SLC2A8: variants seen among roughly 807,000 people sequenced by gnomAD.
The protein encoded by SLC2A8 is solute carrier family 2 member 8.
SLC2A8 carries 53 observed loss-of-function variants against 49.2 expected under a neutral mutation model. The ratio of observed to expected loss-of-function variants is 1.08; its 90% CI spans 0.86 to 1.35. The LOEUF (loss-of-function observed/expected upper bound fraction) is 1.35. SLC2A8 is among the 40% of genes most tolerant of loss of function. The probability of loss-of-function intolerance (pLI) is 0.00; values close to 1 mark genes in which losing one functional copy is unlikely to be tolerated. For synonymous variants in SLC2A8, 299 were observed against 297.0 expected, an observed-to-expected ratio of 1.01 and a Z score of -0.07; for missense variants, 688 against 671.7, an observed-to-expected ratio of 1.02 and a Z score of -0.27.
chr9:127,399,407 C>G lies in SLC2A8; in HGVS notation c.427-500C>G, dbSNP rs968725821. Among the ~76,000 whole-genome samples, 2 of 152,074 alleles carry G rather than the reference C, an allele frequency of 1.3e-5. No homozygotes were observed. The highest frequency in any genetic ancestry group is 1.3e-4 in the Admixed American group (2 of 15,262). On this transcript the variant is annotated intron_variant, in intron 3 of 9. Transcript: ENST00000373371. This position sits in a 1 kb window ranked among gnomAD's most constrained non-coding sequence, Gnocchi z 4.2. The stretch of plus-strand genomic sequence containing the variant: ...TCCCCTTTAAACACCTGCCACAGAT[C>G]TTTCAGTGGTGGGGACCTGGGGATG...
At position 127,405,509 on chromosome 9, in the gene SLC2A8, G is replaced by A. The variant is rs201045999; in HGVS notation, c.1240G>A (p.Val414Ile). Residue 414 changes from valine (V) to isoleucine (I), a missense_variant, in exon 9 of 10, where the codon GTC becomes ATC. Val to Ile is a conservative substitution (Grantham distance 29, BLOSUM62 3). Transcript: ENST00000373371. Reference sequence around the variant, plus strand: ...CAAGGGCGTGGCGACAGGCATCTGCGTCCTCACCAACTGGCTCATGGCCTT... The same window carrying A: ...CAAGGGCGTGGCGACAGGCATCTGCATCCTCACCAACTGGCTCATGGCCTT... ...HVKGVATGICVLTNWLMAFLV... is the reference protein window; with the variant it reads ...HVKGVATGICILTNWLMAFLV... 1,463 of 1,613,216 alleles carry A rather than the reference G, an allele frequency of 9.1e-4. 21 individuals carry two copies. In the South Asian group the frequency reaches 0.014, roughly 16 times the overall value.
At chr9:127,403,827 C>T in intron 6 of SLC2A8, 24 bp downstream of exon 6, 1 of 1,609,010 alleles carries the variant, frequency 6.2e-7, no homozygotes, top group Non-Finnish European at 8.5e-7. Flanking sequence ...GCCTGGCCTG[C>T]CTCGTCCAGC....
In SLC2A8 at chr9:127,397,987, T is replaced by A. The variant is rs1485790614; in HGVS notation, c.302T>A (p.Leu101Ter). ...VDRAGRKLSL[L>*]LCSVPFVAGF... is the part of the protein sequence containing the mutation. ...CGCGCCGGGCGCAAGCTGAGCCTCT[T>A]GCTGTGCTCCGTGCCCTTCGTGGCC... Residue 101 changes from leucine to a stop codon, truncating the protein, a stop_gained, in exon 3 of 10, where the codon TTG (leucine) becomes TAG (stop). Transcript: ENST00000373371. LOFTEE classifies it high-confidence loss of function. 2 of 1,547,644 alleles carry A rather than the reference T, an allele frequency of 1.3e-6. No homozygotes were observed. The highest frequency in any genetic ancestry group is 1.7e-6 in the Non-Finnish European group (2 of 1,153,366).
chr9:127,399,772 G>A lies in SLC2A8; in HGVS notation c.427-135G>A, dbSNP rs953765669. 5 of 619,274 alleles carry A rather than the reference G, an allele frequency of 8.1e-6. No individual in the cohort carries two copies. The highest frequency in any genetic ancestry group is 3.6e-5 in the South Asian group (2 of 55,124). The allele number at this position is 619,274 out of a possible 1,614,324, so 38.4% of individuals were successfully genotyped here. On this transcript the variant is annotated intron_variant, in intron 3 of 9. Transcript: ENST00000373371. The surrounding 1 kb of genome is among the most constrained non-coding windows in gnomAD (Gnocchi z 4.2). Reference sequence around the variant, plus strand: ...AATTTTGTATTTTTAGTAGAGATGGGGTTTCTCCCTGTTGGTCAGGCCAGT... The same window carrying A: ...AATTTTGTATTTTTAGTAGAGATGGAGTTTCTCCCTGTTGGTCAGGCCAGT...
intron 6 of SLC2A8, 51 bp from the exon 7 acceptor site, chr9:127,403,908 A>AT: frequency 6.2e-7 from 1 of 1,600,232 alleles, no homozygotes; most frequent in South Asian, 1.1e-5. Flanking sequence ...AGAGGGAGGG[A>AT]CCCAGCTCTC....
intron 4 of SLC2A8, among the ~76,000 whole-genome samples, chr9:127,402,035 G>A (rs767862098): frequency 1.8e-4 from 27 of 152,196 alleles, no homozygotes; most frequent in Non-Finnish European, 3.2e-4. Context: ...CTACTTTCAT[G>A]TATACTTTGA....
rs1034348801 is a variant in SLC2A8, at chr9:127,404,683, G to A, written c.977-135G>A. 3.0e-5 allele frequency: 32 copies of A among 1,055,630 alleles called. 1 individual carries two copies. The highest frequency in any genetic ancestry group is 2.4e-4 in the African/African-American group (15 of 62,446). The allele number at this position is 1,055,630 out of a possible 1,614,324, so 65.4% of individuals were successfully genotyped here. A position where few individuals can be genotyped will look rare whatever the true frequency, so the allele number is the denominator to read the frequency against. The stretch of plus-strand genomic sequence containing the variant: ...GCTGCCACCCAGTCAGGGCTTCTGC[G>A]GCCAAGGTGCCAGAACACCAAGCTG... On this transcript the variant is annotated intron_variant, in intron 7 of 9. Transcript: ENST00000373371.
intron 4 of SLC2A8, 143 bp downstream of exon 4, chr9:127,400,149 C>A: frequency 1.8e-6 from 1 of 545,890 alleles, no homozygotes. Context: ...CTTCCTGGGA[C>A]CTTGGGATAG....
Position 127,407,081 on chromosome 9 carries a change from C to T in SLC2A8, c.1297-31C>T, listed in dbSNP as rs373073008. The T allele has an allele frequency of 2.3e-4, 368 of 1,610,552 alleles. 1 individual carries two copies. Among genetic ancestry groups the T allele is most frequent in the Non-Finnish European group, 2.7e-4 (316 of 1,179,474 alleles). ...CGTGGGGCTTCCTGATCTCTCCCCG[C>T]GTCCACCCATGGCCTTTCCTCTCTC... On this transcript the variant is annotated intron_variant, in intron 9 of 9. Transcript: ENST00000373371.
chr9:127,401,813 C>T (rs2131891298), intron 4 of SLC2A8, among the ~76,000 whole-genome samples: 1 of 152,308 alleles, frequency 6.6e-6, no homozygotes, highest in South Asian at 2.1e-4. Flanking sequence ...AAAATAGGGA[C>T]ATCATGGCTA....
chr9:127,405,816 C>T (rs1355522751), intron 9 of SLC2A8, among the ~76,000 whole-genome samples: 1 of 152,252 alleles, frequency 6.6e-6, no homozygotes, highest in Non-Finnish European at 1.5e-5. Context: ...CTGGCCTCTC[C>T]CCTTAGTGAA....
rs143227232 is a variant in SLC2A8 at position 127,403,714 on chromosome 9, G to A, written c.778G>A (p.Gly260Ser). The part of the protein sequence containing the change: ...QPGIYKPFII[G>S]VSLMAFQQLS... ...CGGCATCTACAAGCCCTTCATCATC[G>A]GCGTCTCCCTGATGGCCTTCCAGCA... Residue 260 changes from glycine (G) to serine (S), a missense_variant, in exon 6 of 10, where the codon GGC (glycine) becomes AGC (serine). Physicochemically the swap from Gly to Ser is moderately conservative, Grantham distance 56 (BLOSUM62 0). Transcript: ENST00000373371. The A allele has an allele frequency of 2.6e-4, 427 of 1,612,966 alleles. No individual in the cohort carries two copies. Among genetic ancestry groups the A allele is most frequent in the Non-Finnish European group, 3.4e-4 (396 of 1,179,954 alleles).
In SLC2A8 at chr9:127,397,374, A is replaced by G. The variant is rs1406144367; in HGVS notation, c.57-2A>G. The G allele has an allele frequency of 2.7e-6, 4 of 1,457,256 alleles. No individual in the cohort carries two copies. Among genetic ancestry groups the G allele is most frequent in the Non-Finnish European group, 3.6e-6 (4 of 1,114,154 alleles). 90.3% of individuals were successfully genotyped at this position (1,457,256 alleles called of 1,614,324 possible). A position where few individuals can be genotyped will look rare whatever the true frequency, so the allele number is the denominator to read the frequency against. On this transcript the variant is annotated splice_acceptor_variant, in intron 1 of 9. Transcript: ENST00000373371. LOFTEE classifies it high-confidence loss of function. Reference sequence around the variant, plus strand: ...CGCTCACCCTCGGCCCTGTCCCCCCAGCGCGCCCCGCGGCCGCCGCGTCTT... The same window carrying G: ...CGCTCACCCTCGGCCCTGTCCCCCCGGCGCGCCCCGCGGCCGCCGCGTCTT...
Position 127,397,201 on chromosome 9 carries a change from A to G in SLC2A8, c.-30A>G, listed in dbSNP as rs759583971. ...CAGGGCCCGTGGCGGTTCAGGCGCC[A>G]GAGCTGGCCGATCGGCGTTGGCCGC... On this transcript the variant is annotated 5_prime_UTR_variant, in exon 1 of 10. Transcript: ENST00000373371. 9.0e-5 allele frequency: 131 copies of G among 1,451,832 alleles called. No individual in the cohort carries two copies. Among genetic ancestry groups the G allele is most frequent in the Non-Finnish European group, 1.2e-4 (129 of 1,110,626 alleles). 89.9% of individuals were successfully genotyped at this position (1,451,832 alleles called of 1,614,324 possible).
intron 1 of SLC2A8, 36 bp from the exon 2 acceptor site, chr9:127,397,340 C>T (rs1481083583): frequency 2.9e-6 from 4 of 1,397,414 alleles, no homozygotes; most frequent in Non-Finnish European, 3.7e-6. Context: ...CGCCCCTCCG[C>T]GTCCGCTCCG....
intron 8 of SLC2A8, 81 bp downstream of exon 8, chr9:127,405,072 GTCTT>G: frequency 6.9e-7 from 1 of 1,449,928 alleles, no homozygotes; most frequent in Non-Finnish European, 9.4e-7. Context: ...GGCAGGTGGG[GTCTT>G]CCCCAGCCTC....
chr9:127,400,164 G>GTTT (rs1564214930), intron 4 of SLC2A8, among the ~76,000 whole-genome samples, 158 bp downstream of exon 4: 1 of 113,954 alleles, frequency 8.8e-6, no homozygotes, highest in African/African-American at 3.7e-5. Context: ...GGATAGGTGA[G>GTTT]TCTTTTTTTT....
intron 6 of SLC2A8, 48 bp from the exon 7 acceptor site, chr9:127,403,911 C>T (rs1182897380): frequency 6.2e-7 from 1 of 1,601,752 alleles, no homozygotes; most frequent in Admixed American, 1.7e-5. Flanking sequence ...GGGAGGGACC[C>T]AGCTCTCAGC....
chr9:127,405,049 T>C, intron 8 of SLC2A8, 58 bp downstream of exon 8: 1 of 1,544,276 alleles, frequency 6.5e-7, no homozygotes, highest in African/African-American at 1.4e-5. Context: ...CCGGCCCTGC[T>C]GTGGCGGCTC....
Sources: allele counts gnomAD v4.1 joint callset (sites outside exome capture counted in the v4.1 genomes callset), GRCh38; gene constraint gnomAD v4.1.1; non-coding constraint Gnocchi (gnomAD v3.1); transcripts MANE v1.5; gene names NCBI Gene and HGNC (gene_info 2026-07-23, HGNC 2026-07-21).